The following TJP1 variants were observed in gnomAD, a reference collection of about 807,000 sequenced individuals.
TJP1 encodes tight junction protein ZO-1.
In TJP1, 43 loss-of-function variants were observed where a neutral mutation model predicts 194.2. That is an observed-to-expected ratio of 0.22 (90% CI 0.17 to 0.29). TJP1 has a LOEUF of 0.29. TJP1 is among the 10% of genes least tolerant of loss of function. The pLI is 1.00. For missense variants in TJP1, 1,971 were observed against 2,185.7 expected, an observed-to-expected ratio of 0.90 and a Z score of 1.96; for synonymous variants, 801 against 779.0, an observed-to-expected ratio of 1.03 and a Z score of -0.47.
At chr15:29,772,256 G>T (rs1265099401) in intron 3 of TJP1, 90 bp from the exon 4 acceptor site, 4 of 714,928 alleles carry the variant, frequency 5.6e-6, no homozygotes. Flanking sequence ...CTTCTAAAAT[G>T]TAATCTAATT....
chr15:29,830,096 G>C (rs1039509374), intron 2 of TJP1, among the ~76,000 whole-genome samples: 1 of 151,590 alleles, frequency 6.6e-6, no homozygotes, highest in African/African-American at 2.4e-5. Flanking sequence ...CATTAAATCA[G>C]TGACCTAACT....
At chr15:29,924,892 TC>T (rs1393867438) in intron 2 of TJP1, among the ~76,000 whole-genome samples, 1 of 152,226 alleles carries the variant, frequency 6.6e-6, no homozygotes, top group Non-Finnish European at 1.5e-5. Flanking sequence ...CTCTGACTCC[TC>T]CCCATAGTCC....
At chr15:29,764,180 G>C (rs1015599505) in intron 5 of TJP1, among the ~76,000 whole-genome samples, 2 of 152,156 alleles carry the variant, frequency 1.3e-5, no homozygotes, top group African/African-American at 4.8e-5. Flanking sequence ...TGAGTTCAGA[G>C]GGCAGAAACA....
chr15:29,800,906 G>GT (rs1440882856), intron 1 of TJP1, among the ~76,000 whole-genome samples: 1 of 152,120 alleles, frequency 6.6e-6, no homozygotes, highest in Non-Finnish European at 1.5e-5. Context: ...AACTTCCTTT[G>GT]TTTTTAACTT....
Position 29,932,210 on chromosome 15 carries a change from C to T in TJP1, c.306+24022G>A, listed in dbSNP as rs1048483275. Among the ~76,000 whole-genome samples the T allele has an allele frequency of 5.3e-5, 8 of 152,308 alleles. No homozygotes were observed. In the South Asian group the frequency reaches 1.5e-3, roughly 28 times the overall value. The stretch of plus-strand genomic sequence containing the variant: ...TATTCAAGATGGAGTTGCTCTGGTT[C>T]ACACGTCTCTGACAATACCAGCTTT... On this transcript the variant is annotated intron_variant, in intron 2 of 28. Coordinates refer to the TJP1 transcript ENST00000356107.
rs2043746627 is a variant in TJP1, at chr15:29,732,722, G to A, written c.1830C>T (p.Ser610=). 1 of 1,614,154 alleles carries A rather than the reference G, an allele frequency of 6.2e-7. No individual in the cohort carries two copies. The highest frequency in any genetic ancestry group is 1.1e-5 in the South Asian group (1 of 91,076). Residue 610 remains serine, a synonymous_variant, in exon 14 of 28, where the codon TCC becomes TCT. Transcript: ENST00000614355. The part of the protein sequence containing the change: ...DFWRFRGLRS[S]KRNLRKSRED... ...CTCTGCTTTTTCGAAGATTTCTCTT[G>A]GAGCTGCGAAGACCTCTGAATCTCC...
chr15:29,949,180 C>T (rs1438654230), intron 2 of TJP1, among the ~76,000 whole-genome samples: 1 of 148,386 alleles, frequency 6.7e-6, no homozygotes, highest in African/African-American at 2.5e-5. Flanking sequence ...CCACCACCTC[C>T]ATCACCTCCA....
intron 2 of TJP1, among the ~76,000 whole-genome samples, chr15:29,777,510 AAC>A (rs1341577843): frequency 6.6e-6 from 1 of 152,220 alleles, no homozygotes; most frequent in Non-Finnish European, 1.5e-5. Context: ...AAAACAATGA[AAC>A]AATTTACAAA....
At chr15:29,780,414 G>A (rs973378798) in intron 2 of TJP1, among the ~76,000 whole-genome samples, 1 of 152,052 alleles carries the variant, frequency 6.6e-6, no homozygotes, top group Non-Finnish European at 1.5e-5. Flanking sequence ...GTGAGAATGT[G>A]ATGCCGCCAC....
intron 5 of TJP1, among the ~76,000 whole-genome samples, chr15:29,764,715 C>G (rs1168387412): frequency 6.6e-6 from 1 of 152,152 alleles, no homozygotes; most frequent in African/African-American, 2.4e-5. Flanking sequence ...ACACATTCAA[C>G]TGAATACTTC....
intron 2 of TJP1, among the ~76,000 whole-genome samples, chr15:29,936,771 T>C (rs2054896220): frequency 6.6e-6 from 1 of 152,184 alleles, no homozygotes. Flanking sequence ...ACTAGTGGAA[T>C]GAAGTACTGT....
At chr15:29,793,366 T>C (rs1345633206) in intron 2 of TJP1, among the ~76,000 whole-genome samples, 4 of 152,232 alleles carry the variant, frequency 2.6e-5, no homozygotes, top group African/African-American at 7.2e-5. Context: ...CATATGGTTA[T>C]GTCCTTCATT....
intron 2 of TJP1, among the ~76,000 whole-genome samples, chr15:29,868,916 C>G (rs1281058706): frequency 6.6e-6 from 1 of 152,014 alleles, no homozygotes; most frequent in Non-Finnish European, 1.5e-5. Flanking sequence ...AAGTGTGGAA[C>G]TGGAGAAGAA....
At chr15:29,815,937 G>A (rs989148591) in intron 1 of TJP1, among the ~76,000 whole-genome samples, 3 of 152,110 alleles carry the variant, frequency 2.0e-5, no homozygotes, top group African/African-American at 7.2e-5. Flanking sequence ...AATCAAACGG[G>A]AAGCAGTACT....
At chr15:29,949,611 T>TCCACCTCCACCACCTC (rs1567225616) in intron 2 of TJP1, among the ~76,000 whole-genome samples, 9 of 22,598 alleles carry the variant, frequency 4.0e-4, no homozygotes, top group African/African-American at 1.4e-3. Flanking sequence ...ACCTCCACCT[T>TCCACCTCCACCACCTC]CACCACCACC....
intron 10 of TJP1, among the ~76,000 whole-genome samples, chr15:29,740,372 T>A (rs1252791428): frequency 6.6e-6 from 1 of 152,136 alleles, no homozygotes; most frequent in Non-Finnish European, 1.5e-5. Flanking sequence ...ACATCTGTAA[T>A]CCTAGCACTT....
chr15:29,816,004 T>C (rs1374939306), intron 1 of TJP1, among the ~76,000 whole-genome samples: 1 of 151,640 alleles, frequency 6.6e-6, no homozygotes, highest in Non-Finnish European at 1.5e-5. Flanking sequence ...TCATTATTTA[T>C]TGGTGTCTTT....
At chr15:29,814,857 C>T (rs184659528) in intron 1 of TJP1, among the ~76,000 whole-genome samples, 22 of 152,230 alleles carry the variant, frequency 1.4e-4, no homozygotes, top group African/African-American at 5.3e-4. Flanking sequence ...CTAATAAAAC[C>T]TTATCTCTTG....
intron 8 of TJP1, among the ~76,000 whole-genome samples, chr15:29,746,912 GA>G (rs1267893240): frequency 1.1e-3 from 160 of 139,650 alleles, no homozygotes; most frequent in Middle Eastern, 3.7e-3. Context: ...AATCTTTTAG[GA>G]AAAAAAAAAA....
Sources: allele counts gnomAD v4.1 joint callset (sites outside exome capture counted in the v4.1 genomes callset), GRCh38; gene constraint gnomAD v4.1.1; transcripts MANE v1.5; gene names NCBI Gene and HGNC (gene_info 2026-07-23, HGNC 2026-07-21).